SREBF1: variants seen among roughly 807,000 people sequenced by gnomAD.
SREBF1 encodes sterol regulatory element-binding protein 1.
Under a neutral mutation model 100.1 loss-of-function variants are expected in SREBF1, and 45 were observed. The ratio of observed to expected loss-of-function variants is 0.45; its 90% CI spans 0.35 to 0.58. SREBF1 has a LOEUF of 0.58. Among genes scored for constraint, SREBF1 ranks in the 20% least tolerant of loss-of-function variants. The probability of loss-of-function intolerance (pLI) is 0.00; values close to 1 mark genes in which losing one functional copy is unlikely to be tolerated. For synonymous variants in SREBF1, 657 were observed against 681.8 expected (o/e 0.96, Z 0.57); for missense variants, 1,324 against 1,539.4 (o/e 0.86, Z 2.34).
rs139067895 is a variant in SREBF1 at position 17,823,574 on chromosome 17, C to T, written c.92-3053G>A. ...TGCGCCCGCCCTTGGGGCGTCCAGG[C>T]CGTTGGCCCTACCCCTCCCCGCGCC... is the stretch of plus-strand genomic sequence containing the variant. On this transcript the variant is annotated intron_variant, in intron 1 of 18. Transcript: ENST00000261646. 5.2e-4 allele frequency: 842 copies of T among 1,613,434 alleles called. 1 individual carries two copies. Among genetic ancestry groups the T allele is most frequent in the Admixed American group, 2.0e-3 (123 of 60,014 alleles).
chr17:17,818,241 C>A lies in SREBF1; in HGVS notation c.1183+19G>T. On this transcript the variant is annotated intron_variant, in intron 6 of 18. Coordinates refer to ENST00000261646, the MANE Select transcript of SREBF1 (RefSeq NM_004176.5). ...CTAGAGAAGAGGCCAGACTGGAGCT[C>A]AATAAAGCCAGGACTCACTGCTTTT... 1 of 1,603,880 alleles carries A rather than the reference C, an allele frequency of 6.2e-7. No individual in the cohort carries two copies. Among genetic ancestry groups the A allele is most frequent in the South Asian group, 1.1e-5 (1 of 90,852 alleles).
intron 1 of SREBF1, among the ~76,000 whole-genome samples, chr17:17,827,956 C>G (rs2034592798): frequency 6.6e-6 from 1 of 152,196 alleles, no homozygotes; most frequent in South Asian, 2.1e-4. Flanking sequence ...GGCTTCCTAA[C>G]CACCACCCCC....
rs1376024050 is a variant in SREBF1 at position 17,812,847 on chromosome 17, C to T, written c.3219G>A (p.Ala1073=). Residue 1073 remains alanine, a synonymous_variant, in exon 19 of 19, where the codon GCG becomes GCA. Transcript: ENST00000261646. The stretch of plus-strand genomic sequence containing the variant: ...TGGGCCGCGGCTCCAGCTCCGCCAC[C>T]GCGCCTGCGCACACGAGGATGTGTC... ...RRAGPGGKGG[A]VAELEPRPTR... The T allele has an allele frequency of 2.7e-6, 4 of 1,469,738 alleles. No homozygotes were observed. Among genetic ancestry groups the T allele is most frequent in the East Asian group, 2.6e-5 (1 of 38,734 alleles). The allele number at this position is 1,469,738 out of a possible 1,614,324, so 91.0% of individuals were successfully genotyped here.
At chr17:17,823,587 C>T (rs754323337) in intron 1 of SREBF1, 2 of 1,612,878 alleles carry the variant, frequency 1.2e-6, no homozygotes, top group Admixed American at 1.7e-5. Context: ...TTGGCCCTAC[C>T]CCTCCCCGCG....
chr17:17,813,133 C>CT (rs1217159344), intron 18 of SREBF1: 10,205 of 556,826 alleles, frequency 0.018, 101 homozygotes, highest in African/African-American at 0.07. Flanking sequence ...GATGCTTGGT[C>CT]TTTTTTTTTT....
rs772423937 is a variant in SREBF1, at chr17:17,817,219, T to C, written c.1606+37A>G. ...CACAAGCCTGGGGGCTCACCCCGAG[T>C]GTCCCTCCCAAAGATGCCCAGGCTG... is the stretch of plus-strand genomic sequence containing the variant. On this transcript the variant is annotated intron_variant, in intron 8 of 18. Transcript: ENST00000261646. The surrounding 1 kb of genome is among the most constrained non-coding windows in gnomAD (Gnocchi z 6.6). 5 of 1,608,880 alleles carry C rather than the reference T, an allele frequency of 3.1e-6. No homozygotes were observed. The East Asian group carries it at 8.9e-5, about 29-fold the overall frequency.
At position 17,817,552 on chromosome 17, in the gene SREBF1, C is replaced by A; in HGVS notation, c.1405-95G>T. On this transcript the variant is annotated intron_variant, in intron 7 of 18. Transcript: ENST00000261646. The surrounding 1 kb of genome is among the most constrained non-coding windows in gnomAD (Gnocchi z 6.6). Reference sequence around the variant, plus strand: ...GGGGGTCAGGATTCTGCCCACCTTACTGTGGGACCCCACGTGGCTCCAGGC... The same window carrying A: ...GGGGGTCAGGATTCTGCCCACCTTAATGTGGGACCCCACGTGGCTCCAGGC... 1.3e-6 allele frequency: 2 copies of A among 1,524,486 alleles called. No individual in the cohort carries two copies. Among genetic ancestry groups the A allele is most frequent in the Non-Finnish European group, 8.9e-7 (1 of 1,121,036 alleles). 94.4% of individuals were successfully genotyped at this position (1,524,486 alleles called of 1,614,324 possible). A position where few individuals can be genotyped will look rare whatever the true frequency, so the allele number is the denominator to read the frequency against.
In SREBF1 at chr17:17,812,727, A is replaced by C. The variant is rs552640953; in HGVS notation, c.3339T>G (p.Ala1113=). The C allele has an allele frequency of 1.0e-4, 165 of 1,584,022 alleles. 2 individuals are homozygous for C. In the East Asian group the frequency reaches 2.4e-3, roughly 23 times the overall value. The change falls in exon 19 of 19, where the codon GCT becomes GCG. Residue 1113 remains alanine, a synonymous_variant. Transcript: ENST00000261646. The stretch of plus-strand genomic sequence containing the variant: ...GCTTCTCGAGTGTGCGCGCCGCCTC[A>C]GCCAGCATGCCCACGCGCTGCCCGG... ...SAPGQRVGML[A]EAARTLEKLG...
In SREBF1 at chr17:17,815,442, C is replaced by T. The variant is rs544476184; in HGVS notation, c.2384-113G>A. 180 of 828,502 alleles carry T rather than the reference C, an allele frequency of 2.2e-4. 1 individual carries two copies. The South Asian group carries it at 2.5e-3, about 11-fold the overall frequency. The allele number at this position is 828,502 out of a possible 1,614,324, so 51.3% of individuals were successfully genotyped here. On this transcript the variant is annotated intron_variant, in intron 12 of 18. Transcript: ENST00000261646. ...CACACCTAGGGCCACTGGGAAGTGC[C>T]GGCATGCCCCTGGGTGCAGCCCCTG... is the stretch of plus-strand genomic sequence containing the variant.
In SREBF1 at chr17:17,813,416, G is replaced by C. The variant is rs780391933; in HGVS notation, c.3166C>G (p.Leu1056Val). The C allele has an allele frequency of 2.5e-6, 4 of 1,602,968 alleles. No individual in the cohort carries two copies. Among genetic ancestry groups the C allele is most frequent in the Non-Finnish European group, 2.6e-6 (3 of 1,175,996 alleles). ...CGCCGCCTCAGACTGCGGTCGAGGA[G>C]CTGGTGTGTCCGTGTGGGGCTGGCC... ...AGASPTRTHQ[L>V]LDRSLRRRAG... Residue 1056 changes from leucine to valine, a missense_variant, in exon 18 of 19, where the codon CTC (leucine) becomes GTC (valine). Leu to Val is a conservative substitution (Grantham distance 32, BLOSUM62 1). Coordinates refer to ENST00000261646, the MANE Select transcript of SREBF1 (RefSeq NM_004176.5).
intron 15 of SREBF1, 62 bp from the exon 16 acceptor site, chr17:17,814,472 C>T (rs2033320963): frequency 6.5e-7 from 1 of 1,543,898 alleles, no homozygotes; most frequent in Admixed American, 2.0e-5. Context: ...GCTGAGTGCC[C>T]CCCACTTCCC....
chr17:17,820,950 T>C, intron 1 of SREBF1: 2 of 273,982 alleles, frequency 7.3e-6, no homozygotes, highest in South Asian at 7.6e-5. Flanking sequence ...ACTCATCCAG[T>C]GAGCATGTGC....
At chr17:17,814,489 G>T (rs575287529) in intron 15 of SREBF1, 79 bp from the exon 16 acceptor site, 3 of 1,539,270 alleles carry the variant, frequency 1.9e-6, no homozygotes, top group Non-Finnish European at 2.6e-6. Context: ...TCCCTGGCTC[G>T]AGTTCCCTGA....
rs1015399907 is a variant in SREBF1, at chr17:17,832,683, G to T, written c.91+4044C>A. Among the ~76,000 whole-genome samples, 10 of 152,274 alleles carry T rather than the reference G, an allele frequency of 6.6e-5. 1 individual carries two copies. The highest frequency in any genetic ancestry group is 1.3e-4 in the Non-Finnish European group (9 of 68,028). ...CGCCTGTAATCCCAGCACTTTGGGA[G>T]GCCGAGGCGGGCAGATCATGAGGTC... On this transcript the variant is annotated intron_variant, in intron 1 of 18. Coordinates refer to ENST00000261646, the MANE Select transcript of SREBF1 (RefSeq NM_004176.5).
At chr17:17,833,450 A>AAT (rs1555573429) in intron 1 of SREBF1, among the ~76,000 whole-genome samples, 5,575 of 45,394 alleles carry the variant, frequency 0.12, 241 homozygotes, top group South Asian at 0.15. Flanking sequence ...AAAAAAAAAA[A>AAT]ATATATATAT....
chr17:17,813,852 G>T, intron 16 of SREBF1, 83 bp from the exon 17 acceptor site: 1 of 1,368,726 alleles, frequency 7.3e-7, no homozygotes. Context: ...CCAGGGGCCG[G>T]CTCCGGGCTG....
At chr17:17,828,104 G>A (rs938503224) in intron 1 of SREBF1, among the ~76,000 whole-genome samples, 4 of 152,300 alleles carry the variant, frequency 2.6e-5, no homozygotes, top group Admixed American at 6.5e-5. Context: ...GTCAGAGGCC[G>A]TGCAGACTCC....
Position 17,816,014 on chromosome 17 carries a change from G to A in SREBF1, c.2229C>T (p.Ser743=), listed in dbSNP as rs1326222654. The A allele has an allele frequency of 6.2e-7, 1 of 1,612,352 alleles. No homozygotes were observed. Among genetic ancestry groups the A allele is most frequent in the Non-Finnish European group, 8.5e-7 (1 of 1,179,752 alleles). Residue 743 remains serine (S), a synonymous_variant, in exon 12 of 19, where the codon AGC becomes AGT. Coordinates refer to ENST00000261646, the MANE Select transcript of SREBF1 (RefSeq NM_004176.5). ...GTGCCAGGCAGGCCTGGCGGGCACT[G>A]CTCAGGAAGAAGCGCTGTAGGGGAG... is the stretch of plus-strand genomic sequence containing the variant. The part of the protein sequence containing the change: ...ALHFLTRFFL[S]SARQACLAQS...
intron 1 of SREBF1, among the ~76,000 whole-genome samples, chr17:17,823,275 T>C (rs1018754882): frequency 1.3e-5 from 2 of 152,188 alleles, no homozygotes; most frequent in Non-Finnish European, 2.9e-5. Context: ...CAAACCCTCT[T>C]AGGTCGGGAT....
Sources: allele counts gnomAD v4.1 joint callset (sites outside exome capture counted in the v4.1 genomes callset), GRCh38; gene constraint gnomAD v4.1.1; non-coding constraint Gnocchi (gnomAD v3.1); transcripts MANE v1.5; gene names NCBI Gene and HGNC (gene_info 2026-07-23, HGNC 2026-07-21).